The following GLMN variants were observed in gnomAD, a reference collection of about 807,000 sequenced individuals.
GLMN encodes the protein glomulin.
GLMN carries 75 observed loss-of-function variants against 87.8 expected under a neutral mutation model. The ratio of observed to expected loss-of-function variants is 0.85; its 90% CI spans 0.71 to 1.04. The LOEUF (loss-of-function observed/expected upper bound fraction) is 1.04. Ranked by LOEUF, GLMN falls within the 50% of genes least tolerant of loss-of-function variation. GLMN has a pLI of 0.00. For missense variants in GLMN, 588 were observed against 658.8 expected, an observed-to-expected ratio of 0.89 and a Z score of 1.18; for synonymous variants, 206 against 221.6, an observed-to-expected ratio of 0.93 and a Z score of 0.63.
chr1:92,293,717 C>T (rs1447013203), intron 3 of GLMN, among the ~76,000 whole-genome samples: 4 of 152,220 alleles, frequency 2.6e-5, no homozygotes, highest in Admixed American at 2.0e-4. Flanking sequence ...AAGTGTCCAT[C>T]AACAGATGAA....
chr1:92,343,777 G>T, the GLMN span, among the ~76,000 whole-genome samples: 2 of 152,104 alleles, frequency 1.3e-5, no homozygotes, highest in African/African-American at 4.8e-5. Flanking sequence ...GGAAAAAAAA[G>T]AAAAACATAT....
At chr1:92,269,630 A>G in intron 9 of GLMN, 93 bp downstream of exon 9, 3 of 827,632 alleles carry the variant, frequency 3.6e-6, no homozygotes, top group Non-Finnish European at 6.4e-6. Flanking sequence ...AATTAATTAG[A>G]GCTTAGCAAA....
intron 7 of GLMN, among the ~76,000 whole-genome samples, chr1:92,273,479 C>CT (rs1343532558): frequency 1.4e-5 from 2 of 138,994 alleles, no homozygotes; most frequent in African/African-American, 2.6e-5. Flanking sequence ...AGGTCTCACT[C>CT]TGTCACTCAG....
At chr1:92,343,988 T>C in the GLMN span, among the ~76,000 whole-genome samples, 1 of 152,220 alleles carries the variant, frequency 6.6e-6, no homozygotes, top group African/African-American at 2.4e-5. Flanking sequence ...CCTTTCCCAA[T>C]CCATTCTTCG....
intron 3 of GLMN, among the ~76,000 whole-genome samples, chr1:92,296,165 C>A (rs1044836963): frequency 2.6e-5 from 4 of 152,068 alleles, no homozygotes; most frequent in Admixed American, 6.5e-5. Flanking sequence ...TGGAGAGAAA[C>A]ACAGATCAAC....
upstream of GLMN, among the ~76,000 whole-genome samples, chr1:92,300,394 A>G (rs979002432): frequency 6.6e-6 from 1 of 152,076 alleles, no homozygotes; most frequent in Non-Finnish European, 1.5e-5. Context: ...ATTCTCACAT[A>G]GACTGTTACA....
At chr1:92,262,698 A>T (rs1194964683) in intron 16 of GLMN, among the ~76,000 whole-genome samples, 165 bp downstream of exon 16, 3 of 152,214 alleles carry the variant, frequency 2.0e-5, no homozygotes, top group Non-Finnish European at 4.4e-5. Flanking sequence ...TGGGGTGGTA[A>T]ATGCTCCTGG....
At chr1:92,369,198 C>A in the GLMN span, among the ~76,000 whole-genome samples, 1 of 152,176 alleles carries the variant, frequency 6.6e-6, no homozygotes, top group African/African-American at 2.4e-5. Context: ...GCATAAAACA[C>A]ATTAAATATC....
chr1:92,275,425 A>G (rs1273473415), intron 7 of GLMN, among the ~76,000 whole-genome samples: 1 of 152,178 alleles, frequency 6.6e-6, no homozygotes, highest in Non-Finnish European at 1.5e-5. Context: ...CATAAGCCAC[A>G]TTATTTCAGT....
chr1:92,291,789 C>A (rs1649441385), intron 3 of GLMN, among the ~76,000 whole-genome samples: 3 of 152,136 alleles, frequency 2.0e-5, no homozygotes, highest in Admixed American at 2.0e-4. Context: ...TGGTGTTTCC[C>A]AAGATTTAAA....
chr1:92,304,037 C>T, the GLMN span: 1 of 1,613,058 alleles, frequency 6.2e-7, no homozygotes, highest in Admixed American at 1.7e-5. Context: ...TATTGTCAAA[C>T]TCTGTGGTTA....
chr1:92,346,553 A>T, the GLMN span, among the ~76,000 whole-genome samples: 79 of 152,314 alleles, frequency 5.2e-4, 1 homozygote, highest in African/African-American at 1.8e-3. Context: ...TATTATATTA[A>T]CATTGAATGG....
At chr1:92,292,845 C>T (rs911249639) in intron 3 of GLMN, among the ~76,000 whole-genome samples, 5 of 150,142 alleles carry the variant, frequency 3.3e-5, no homozygotes, top group African/African-American at 1.2e-4. Context: ...CTGGGCAACA[C>T]GGCCAAACCC....
the GLMN span, chr1:92,333,584 G>A: frequency 6.5e-6 from 5 of 765,850 alleles, no homozygotes; most frequent in African/African-American, 8.8e-5. Context: ...GAAAAATAAT[G>A]TGAAAAGTTC....
At chr1:92,267,562 G>T (rs1338435048) in intron 11 of GLMN, among the ~76,000 whole-genome samples, 2 of 151,898 alleles carry the variant, frequency 1.3e-5, no homozygotes, top group Admixed American at 1.3e-4. Flanking sequence ...ATATTAGCTG[G>T]GTGTGGTGGC....
At chr1:92,359,635 T>C in the GLMN span, among the ~76,000 whole-genome samples, 1 of 152,256 alleles carries the variant, frequency 6.6e-6, no homozygotes, top group Non-Finnish European at 1.5e-5. Flanking sequence ...CTTGGTTTTA[T>C]ACCTGTTTTG....
chr1:92,246,493 C>G lies in GLMN; in HGVS notation c.*37G>C. ...ATTAAATGAATCATAATGGAAAGTACTATATTTTATTAGTTTTTATTTAGG... is the reference window on the plus strand; with the variant it reads ...ATTAAATGAATCATAATGGAAAGTAGTATATTTTATTAGTTTTTATTTAGG... On this transcript the variant is annotated 3_prime_UTR_variant, in exon 19 of 19. Transcript: ENST00000370360. 1.1e-6 allele frequency: 1 copy of G among 902,940 alleles called. No individual in the cohort carries two copies. The highest frequency in any genetic ancestry group is 1.9e-6 in the Non-Finnish European group (1 of 536,882). 55.9% of individuals were successfully genotyped at this position (902,940 alleles called of 1,614,324 possible). A position where few individuals can be genotyped will look rare whatever the true frequency, so the allele number is the denominator to read the frequency against.
chr1:92,353,691 G>A, the GLMN span, among the ~76,000 whole-genome samples: 1 of 152,014 alleles, frequency 6.6e-6, no homozygotes, highest in Non-Finnish European at 1.5e-5. Flanking sequence ...TATCACCTTT[G>A]TCATTGTGAA....
At chr1:92,357,094 T>C in the GLMN span, among the ~76,000 whole-genome samples, 7 of 144,756 alleles carry the variant, frequency 4.8e-5, no homozygotes, top group East Asian at 2.1e-4. Flanking sequence ...AAGGATTACA[T>C]ACACACACAC....
Sources: gnomAD v4.1 joint callset for allele counts (sites outside exome capture counted in the v4.1 genomes callset) on GRCh38, gnomAD v4.1.1 for gene constraint, MANE v1.5 for transcripts, NCBI Gene and HGNC (gene_info 2026-07-23, HGNC 2026-07-21) for gene names.